The following CENPP variants were observed in gnomAD, a reference collection of about 807,000 sequenced individuals.
CENPP encodes centromere protein P.
In CENPP, 24 loss-of-function variants were observed where a neutral mutation model predicts 35.6. The observed-to-expected ratio is 0.67, with a 90% CI of 0.49 to 0.95. The LOEUF is 0.95. CENPP is among the 40% of genes least tolerant of loss of function. The probability of loss-of-function intolerance (pLI) is 0.00; values close to 1 mark genes in which losing one functional copy is unlikely to be tolerated. For synonymous variants in CENPP, 120 were observed against 125.5 expected (o/e 0.96, Z 0.29); for missense variants, 332 against 345.3 (o/e 0.96, Z 0.31).
At chr9:92,396,610 G>T (rs2130913871) in intron 5 of CENPP, among the ~76,000 whole-genome samples, 1 of 150,680 alleles carries the variant, frequency 6.6e-6, no homozygotes, top group African/African-American at 2.4e-5. Context: ...GTCACTCAGG[G>T]TGGGGTACAG....
intron 5 of CENPP, among the ~76,000 whole-genome samples, chr9:92,447,965 T>G (rs1844594593): frequency 6.6e-6 from 1 of 152,180 alleles, no homozygotes; most frequent in African/African-American, 2.4e-5. Flanking sequence ...GGTAAGTGTT[T>G]GAGATGTGGA....
chr9:92,613,165 C>G lies in CENPP; in HGVS notation c.*16C>G, dbSNP rs369789817. 1 of 1,613,866 alleles carries G rather than the reference C, an allele frequency of 6.2e-7. No individual in the cohort carries two copies. Among genetic ancestry groups the G allele is most frequent in the African/African-American group, 1.3e-5 (1 of 74,894 alleles). ...GAACAACTAGTTCCAAAACAGTGAA[C>G]GTGGAGGATGAAGATGCTGCGTGGA... On this transcript the variant is annotated 3_prime_UTR_variant, in exon 8 of 8. Transcript: ENST00000375587.
intron 4 of CENPP, among the ~76,000 whole-genome samples, chr9:92,350,533 G>A (rs1375236296): frequency 6.6e-6 from 1 of 152,152 alleles, no homozygotes; most frequent in East Asian, 1.9e-4. Flanking sequence ...TAGCTTTTAA[G>A]ATTATTTTCA....
At chr9:92,467,228 G>T (rs779428190) in intron 5 of CENPP, among the ~76,000 whole-genome samples, 1 of 152,212 alleles carries the variant, frequency 6.6e-6, no homozygotes, top group East Asian at 1.9e-4. Flanking sequence ...AAAAGAGCTC[G>T]TACCAGTGTG....
intron 5 of CENPP, among the ~76,000 whole-genome samples, chr9:92,578,461 G>A (rs531870714): frequency 1.2e-4 from 18 of 151,900 alleles, no homozygotes; most frequent in Non-Finnish European, 1.8e-4. Flanking sequence ...TCCAGCACCT[G>A]TTGTTTCCTG....
At chr9:92,386,072 C>G in intron 5 of CENPP, 1 of 693,386 alleles carries the variant, frequency 1.4e-6, no homozygotes, top group South Asian at 1.8e-5. Context: ...GATAGGCAGA[C>G]ATTTAGCTAT....
chr9:92,591,842 A>G (rs1222841371), intron 5 of CENPP, among the ~76,000 whole-genome samples: 1 of 152,164 alleles, frequency 6.6e-6, no homozygotes, highest in Non-Finnish European at 1.5e-5. Flanking sequence ...ACTCATCACA[A>G]TTTTTAAATT....
intron 5 of CENPP, among the ~76,000 whole-genome samples, chr9:92,484,671 A>G (rs756816285): frequency 6.6e-5 from 10 of 152,126 alleles, no homozygotes; most frequent in Non-Finnish European, 1.3e-4. Context: ...CTGGTTTTGC[A>G]TGGCAACTGT....
Position 92,406,012 on chromosome 9 carries a change from A to G in CENPP, c.564+26153A>G, listed in dbSNP as rs552490972. ...ACTAGAATCCATGGTAGGGCTTGCT[A>G]CACAGAAATATGCAGAGTTCTGTGA... On this transcript the variant is annotated intron_variant, in intron 5 of 7. Coordinates refer to ENST00000375587, the MANE Select transcript of CENPP (RefSeq NM_001012267.3). Among the ~76,000 whole-genome samples the G allele has an allele frequency of 3.8e-4, 58 of 152,284 alleles. No individual in the cohort carries two copies. In the South Asian group the frequency reaches 0.012, roughly 32 times the overall value.
chr9:92,337,499 A>G, intron 2 of CENPP, 42 bp from the exon 3 acceptor site: 1 of 1,099,970 alleles, frequency 9.1e-7, no homozygotes, highest in Non-Finnish European at 1.4e-6. Flanking sequence ...TTTGAAGAAA[A>G]TGGCTATTTG....
chr9:92,451,185 G>T (rs1844698389), intron 5 of CENPP, among the ~76,000 whole-genome samples: 1 of 149,060 alleles, frequency 6.7e-6, no homozygotes, highest in South Asian at 2.1e-4. Context: ...CCTATGTCCT[G>T]AATGGTAATG....
At chr9:92,392,628 G>A (rs898762581) in intron 5 of CENPP, among the ~76,000 whole-genome samples, 2 of 151,032 alleles carry the variant, frequency 1.3e-5, no homozygotes, top group Non-Finnish European at 2.9e-5. Context: ...TTGGGGGGAG[G>A]GGGGAGAAAA....
At chr9:92,469,771 G>GCCT (rs1204677463) in intron 5 of CENPP, among the ~76,000 whole-genome samples, 1 of 152,044 alleles carries the variant, frequency 6.6e-6, no homozygotes, top group Non-Finnish European at 1.5e-5. Context: ...CTGAGGGGAG[G>GCCT]CGGTGGCGGG....
rs912639210 is a variant in CENPP, at chr9:92,496,014, G to A, written c.565-115300G>A. 9.9e-6 allele frequency: 10 copies of A among 1,006,596 alleles called. No homozygotes were observed. In the African/African-American group the frequency reaches 1.4e-4, roughly 14 times the overall value. The allele number at this position is 1,006,596 out of a possible 1,614,324, so 62.4% of individuals were successfully genotyped here. On this transcript the variant is annotated intron_variant, in intron 5 of 7. Coordinates refer to ENST00000375587, the MANE Select transcript of CENPP (RefSeq NM_001012267.3). ...AGTATTCAAGTTGATTATAAAGGCT[G>A]TGTTTATTTTGTTCCAGACTCTTCT...
intron 5 of CENPP, among the ~76,000 whole-genome samples, chr9:92,532,680 G>C (rs530996534): frequency 1.2e-4 from 19 of 152,114 alleles, no homozygotes; most frequent in African/African-American, 4.6e-4. Context: ...CAGGTTTTCA[G>C]TATGTTCTTT....
At chr9:92,584,455 C>T (rs552723950) in intron 5 of CENPP, among the ~76,000 whole-genome samples, 2 of 152,300 alleles carry the variant, frequency 1.3e-5, no homozygotes, top group East Asian at 3.9e-4. Context: ...CTCAAACAGT[C>T]CTCCCACCTT....
At chr9:92,596,669 C>T (rs954155835) in intron 5 of CENPP, among the ~76,000 whole-genome samples, 5 of 151,840 alleles carry the variant, frequency 3.3e-5, no homozygotes, top group South Asian at 2.1e-4. Context: ...GAAGTCCATA[C>T]GGGAGGCAGA....
chr9:92,447,937 G>T (rs934775120), intron 5 of CENPP, among the ~76,000 whole-genome samples: 1 of 152,170 alleles, frequency 6.6e-6, no homozygotes, highest in African/African-American at 2.4e-5. Flanking sequence ...CTTCTGAAAG[G>T]TTGCTACTTT....
chr9:92,405,576 A>G (rs1843283233), intron 5 of CENPP, among the ~76,000 whole-genome samples: 1 of 152,162 alleles, frequency 6.6e-6, no homozygotes, highest in African/African-American at 2.4e-5. Context: ...TGTTGGTTTT[A>G]TGGCTTCAAG....
Sources: allele counts gnomAD v4.1 joint callset (sites outside exome capture counted in the v4.1 genomes callset), GRCh38; gene constraint gnomAD v4.1.1; transcripts MANE v1.5; gene names NCBI Gene and HGNC (gene_info 2026-07-23, HGNC 2026-07-21).